Variants in ZNF91 observed in about 807,000 individuals in gnomAD.
The protein encoded by ZNF91 is zinc finger protein 91, also known as zinc finger protein 91 (HPF7, HTF10).
A neutral mutation model predicts 12.6 loss-of-function variants in ZNF91; 7 were observed. That is an observed-to-expected ratio of 0.55 (90% confidence interval 0.31 to 1.04). The LOEUF (loss-of-function observed/expected upper bound fraction) is 1.04. Among genes scored for constraint, ZNF91 ranks in the 50% least tolerant of loss-of-function variants. The pLI, the probability that ZNF91 is intolerant of heterozygous loss-of-function variation, is 0.05. For missense variants in ZNF91, 1,217 were observed against 1,385.4 expected (o/e 0.88, Z 1.93); for synonymous variants, 453 against 462.6 (o/e 0.98, Z 0.27).
chr19:23,389,287 T>C (rs1405737177), intron 1 of ZNF91, among the ~76,000 whole-genome samples: 1 of 151,564 alleles, frequency 6.6e-6, no homozygotes, highest in Admixed American at 6.6e-5. Flanking sequence ...GATGAGTTTA[T>C]AAACAGGTGG....
At chr19:23,369,383 GA>G (rs988249883) in intron 3 of ZNF91, among the ~76,000 whole-genome samples, 1 of 151,670 alleles carries the variant, frequency 6.6e-6, no homozygotes, top group African/African-American at 2.4e-5. Context: ...GTCCGGGAGG[GA>G]GGTGGGGTGC....
intron 3 of ZNF91, among the ~76,000 whole-genome samples, chr19:23,347,976 A>G (rs1453666871): frequency 6.6e-6 from 1 of 152,228 alleles, no homozygotes; most frequent in Non-Finnish European, 1.5e-5. Context: ...CTCAACATGC[A>G]TATAATTCCC....
intron 1 of ZNF91, among the ~76,000 whole-genome samples, chr19:23,379,726 C>T (rs1236895041): frequency 6.6e-6 from 1 of 152,300 alleles, no homozygotes; most frequent in Non-Finnish European, 1.5e-5. Flanking sequence ...CACTCTTCTA[C>T]AAAAGTGGTT....
At chr19:23,376,104 T>A (rs1309757370) in intron 1 of ZNF91, among the ~76,000 whole-genome samples, 3 of 152,218 alleles carry the variant, frequency 2.0e-5, no homozygotes, top group African/African-American at 7.2e-5. Context: ...CCTGTTTAAA[T>A]GAGCACTTTC....
At chr19:23,355,049 A>G (rs1232888117), downstream of ZNF91, among the ~76,000 whole-genome samples, 1 of 152,200 alleles carries the variant, frequency 6.6e-6, no homozygotes, top group Non-Finnish European at 1.5e-5. Context: ...AGCAATCTAT[A>G]AATTCAACAC....
At chr19:23,349,541 G>A (rs561941314) in intron 3 of ZNF91, among the ~76,000 whole-genome samples, 17 of 152,260 alleles carry the variant, frequency 1.1e-4, no homozygotes, top group Admixed American at 5.2e-4. Flanking sequence ...CATTCGTGAA[G>A]CGGCAAATGA....
intron 3 of ZNF91, chr19:23,339,836 C>G (rs567958965): frequency 6.6e-6 from 1 of 150,770 alleles, no homozygotes; most frequent in Non-Finnish European, 1.5e-5. Flanking sequence ...CCTAGCTACT[C>G]GGGAGGCTAA....
chr19:23,319,203 T>C (rs183950323), intron 1 of ZNF91, among the ~76,000 whole-genome samples: 185 of 152,344 alleles, frequency 1.2e-3, no homozygotes, highest in Non-Finnish European at 1.9e-3. Flanking sequence ...TATTGTGACG[T>C]ATCGCTGAGC....
intron 1 of ZNF91, among the ~76,000 whole-genome samples, chr19:23,322,435 CAT>C (rs1751695358): frequency 6.6e-6 from 1 of 152,188 alleles, no homozygotes; most frequent in African/African-American, 2.4e-5. Flanking sequence ...CCTATGGTGA[CAT>C]ATGTCTGGAT....
At chr19:23,393,964 C>G (rs1432942279) in intron 1 of ZNF91, among the ~76,000 whole-genome samples, 1 of 152,122 alleles carries the variant, frequency 6.6e-6, no homozygotes, top group Non-Finnish European at 1.5e-5. Context: ...CGTCACTGCA[C>G]TCCAGCCTGG....
At position 23,359,578 on chromosome 19, in the gene ZNF91, T is replaced by C. The variant is rs901346882; in HGVS notation, c.3401A>G (p.Tyr1134Cys). 7 of 1,613,948 alleles carry C rather than the reference T, an allele frequency of 4.3e-6. No homozygotes were observed. The highest frequency in any genetic ancestry group is 2.2e-5 in the East Asian group (1 of 44,890). The change falls in exon 4 of 4, where the codon TAC becomes TGC. Residue 1134 changes from tyrosine (Y) to cysteine (C), a missense_variant. Coordinates refer to ENST00000300619, the MANE Select transcript of ZNF91 (RefSeq NM_003430.4). ...HKIIHTGEKPYKCEKCGKAFN... is the reference protein window; with the variant it reads ...HKIIHTGEKPCKCEKCGKAFN... ...GGCTTTGCCACATTTTTCACATTTG[T>C]AGGGTTTCTCTCCAGTGTGAATTAT...
At position 23,328,983 on chromosome 19, in the gene ZNF91, TTGTAA is replaced by T. The variant is rs551303211; in HGVS notation, n.117-19891_117-19887del. On this transcript the variant is annotated intron_variant and non_coding_transcript_variant, in intron 1 of 1. Coordinates refer to the ZNF91 transcript ENST00000596528. ...TCCATGTTTTTAGCTATTTCTCCAC[TTGTAA>T]TGTGTTTTAGTTGGTTAAAAATTAT... 9.8e-5 allele frequency: 15 copies of T among 152,348 alleles called. No individual in the cohort carries two copies. In the East Asian group the frequency reaches 2.9e-3, roughly 29 times the overall value. 9.4% of individuals were successfully genotyped at this position (152,348 alleles called of 1,614,324 possible).
downstream of ZNF91, among the ~76,000 whole-genome samples, chr19:23,334,779 G>A (rs1967976946): frequency 1.3e-5 from 2 of 152,190 alleles, no homozygotes; most frequent in East Asian, 1.9e-4. Context: ...TTATAATGGG[G>A]TTACCAAAAG....
At chr19:23,346,855 T>C (rs1314705283) in intron 3 of ZNF91, among the ~76,000 whole-genome samples, 1 of 152,038 alleles carries the variant, frequency 6.6e-6, no homozygotes, top group Non-Finnish European at 1.5e-5. Flanking sequence ...TCACCGCAGT[T>C]TCCTCTCTCC....
intron 1 of ZNF91, among the ~76,000 whole-genome samples, chr19:23,377,676 C>G (rs1166493776): frequency 1.3e-5 from 2 of 152,194 alleles, no homozygotes; most frequent in African/African-American, 4.8e-5. Flanking sequence ...CAACCATTCT[C>G]TATCTTAAAG....
intron 3 of ZNF91, among the ~76,000 whole-genome samples, chr19:23,365,340 C>CTGA (rs1968959624): frequency 6.7e-6 from 1 of 149,778 alleles, no homozygotes; most frequent in South Asian, 2.1e-4. Context: ...GCACCGTGGG[C>CTGA]TGATGCCTGT....
At chr19:23,331,027 G>T (rs935298477) in intron 1 of ZNF91, among the ~76,000 whole-genome samples, 1 of 152,178 alleles carries the variant, frequency 6.6e-6, no homozygotes, top group African/African-American at 2.4e-5. Flanking sequence ...GCCACTCATA[G>T]CTACTTATTT....
downstream of ZNF91, among the ~76,000 whole-genome samples, chr19:23,335,563 T>C (rs865908137): frequency 2.6e-5 from 4 of 152,288 alleles, no homozygotes; most frequent in Middle Eastern, 0.01. Flanking sequence ...ACCTTGCAGT[T>C]TGATCTCGGA....
chr19:23,323,386 ACT>A (rs886950118), intron 1 of ZNF91, among the ~76,000 whole-genome samples: 14 of 101,772 alleles, frequency 1.4e-4, no homozygotes, highest in African/African-American at 2.4e-4. Flanking sequence ...TCTTCCTCCT[ACT>A]CTCTTCCCCC....
Sources: allele counts gnomAD v4.1 joint callset (sites outside exome capture counted in the v4.1 genomes callset), GRCh38; gene constraint gnomAD v4.1.1; transcripts MANE v1.5; gene names NCBI Gene and HGNC (gene_info 2026-07-23, HGNC 2026-07-21).